SCN8A: variants seen among roughly 807,000 people sequenced by gnomAD.
SCN8A encodes sodium channel protein type 8 subunit alpha.
In SCN8A, 30 loss-of-function variants were observed where a neutral mutation model predicts 184.1. The observed-to-expected ratio is 0.16, with a 90% CI of 0.12 to 0.22. SCN8A has a LOEUF of 0.22. Ranked by LOEUF, SCN8A falls within the 10% of genes least tolerant of loss-of-function variation. SCN8A has a pLI of 1.00. For synonymous variants in SCN8A, 852 were observed against 907.0 expected (o/e 0.94, Z 1.09); for missense variants, 1,057 against 2,498.9 (o/e 0.42, Z 12.30).
In SCN8A at chr12:51,746,009, G is replaced by A; in HGVS notation, c.2105G>A (p.Ser702Asn). Residue 702 changes from serine to asparagine, a missense_variant, in exon 13 of 27, where the codon AGT becomes AAT. Physicochemically the swap from Ser to Asn is conservative, Grantham distance 46. Around this residue, in one of 19 missense-constraint regions of SCN8A, gnomAD observed 322 missense variants for 390.1 expected, o/e 0.83. Coordinates refer to ENST00000627620, the MANE Select transcript of SCN8A (RefSeq NM_001330260.2). ...GRKDRINSIM[S>N]VVTNTLVEEL... is the part of the protein sequence containing the mutation. Reference sequence around the variant, plus strand: ...AAGGACAGAATCAACAGTATAATGAGTGTTGTTACAAATACACTAGTAGAA... The same window carrying A: ...AAGGACAGAATCAACAGTATAATGAATGTTGTTACAAATACACTAGTAGAA... The A allele has an allele frequency of 6.2e-7, 1 of 1,610,072 alleles. No homozygotes were observed. Among genetic ancestry groups the A allele is most frequent in the Non-Finnish European group, 8.5e-7 (1 of 1,178,190 alleles).
chr12:51,671,773 A>G (rs1357567600), intron 2 of SCN8A, among the ~76,000 whole-genome samples: 1 of 152,228 alleles, frequency 6.6e-6, no homozygotes, highest in Non-Finnish European at 1.5e-5. Flanking sequence ...TTCTTTACAT[A>G]TAACACTATT....
chr12:51,785,319 G>A (rs554247950), intron 21 of SCN8A, among the ~76,000 whole-genome samples: 2 of 152,284 alleles, frequency 1.3e-5, no homozygotes, highest in East Asian at 3.9e-4. Context: ...TAATGACAGA[G>A]CTGTCAGATC....
chr12:51,709,950 TG>T (rs1210399071), intron 11 of SCN8A, among the ~76,000 whole-genome samples: 4 of 152,114 alleles, frequency 2.6e-5, no homozygotes. Flanking sequence ...TTGATAATGT[TG>T]GGAATTAAAA....
intron 24 of SCN8A, among the ~76,000 whole-genome samples, chr12:51,789,745 G>A (rs908166495): frequency 3.3e-5 from 5 of 152,228 alleles, no homozygotes; most frequent in South Asian, 2.1e-4. Context: ...AATAGCTATC[G>A]CAAGAAGTAG....
At chr12:51,776,008 G>A (rs1295291318) in intron 20 of SCN8A, among the ~76,000 whole-genome samples, 1 of 152,136 alleles carries the variant, frequency 6.6e-6, no homozygotes, top group East Asian at 1.9e-4. Flanking sequence ...TTTATTTTTT[G>A]AGATGAGGTC....
intron 12 of SCN8A, chr12:51,722,170 A>C: frequency 1.8e-6 from 1 of 560,362 alleles, no homozygotes; most frequent in Non-Finnish European, 3.1e-6. Flanking sequence ...CATTTTCCCC[A>C]TCTTCCCTCC....
chr12:51,789,224 C>A (rs1019486677), intron 23 of SCN8A, 57 bp from the exon 24 acceptor site: 7 of 1,590,268 alleles, frequency 4.4e-6, no homozygotes, highest in Non-Finnish European at 6.0e-6. Context: ...ATGGCCTTGG[C>A]GTGTCAAACT....
intron 2 of SCN8A, among the ~76,000 whole-genome samples, chr12:51,667,377 T>C (rs1941052263): frequency 6.6e-6 from 1 of 152,118 alleles, no homozygotes; most frequent in African/African-American, 2.4e-5. Flanking sequence ...ACTATTATTT[T>C]TTTTTTTGGA....
intron 5 of SCN8A, among the ~76,000 whole-genome samples, 186 bp downstream of exon 5, chr12:51,687,405 G>A (rs988863111): frequency 1.4e-4 from 21 of 152,138 alleles, no homozygotes; most frequent in African/African-American, 5.1e-4. Flanking sequence ...TGGTTCAGGC[G>A]ATGATAATGT....
At chr12:51,724,655 A>G (rs897600248) in intron 12 of SCN8A, among the ~76,000 whole-genome samples, 4 of 152,222 alleles carry the variant, frequency 2.6e-5, no homozygotes, top group African/African-American at 9.6e-5. Flanking sequence ...TGAAGGATGG[A>G]TCAACATGGG....
intron 1 of SCN8A, among the ~76,000 whole-genome samples, chr12:51,597,869 G>A (rs1400278137): frequency 6.6e-6 from 1 of 152,044 alleles, no homozygotes; most frequent in Non-Finnish European, 1.5e-5. Context: ...AATGCAACAG[G>A]CTTTTGTGTT....
intron 1 of SCN8A, among the ~76,000 whole-genome samples, chr12:51,618,537 G>A (rs554448033): frequency 1.9e-4 from 28 of 151,330 alleles, no homozygotes; most frequent in Middle Eastern, 3.4e-3. Flanking sequence ...AACTCTGCTG[G>A]TTTTGTGATA....
intron 12 of SCN8A, chr12:51,722,948 C>CTT (rs1942092594): frequency 6.6e-6 from 1 of 152,194 alleles, no homozygotes; most frequent in African/African-American, 2.4e-5. Flanking sequence ...TAATTTCTAA[C>CTT]TTTCCTCAGT....
chr12:51,613,413 C>T (rs1425203088), intron 1 of SCN8A, among the ~76,000 whole-genome samples: 1 of 151,944 alleles, frequency 6.6e-6, no homozygotes, highest in Non-Finnish European at 1.5e-5. Flanking sequence ...TGTAGTATTT[C>T]CTTATTCTTT....
chr12:51,797,695 C>T (rs1436929889), intron 26 of SCN8A, among the ~76,000 whole-genome samples: 1 of 152,206 alleles, frequency 6.6e-6, no homozygotes, highest in East Asian at 1.9e-4. Context: ...GTATTCCATG[C>T]ATACTCTTCC....
At chr12:51,691,969 G>A (rs756957276) in intron 6 of SCN8A, among the ~76,000 whole-genome samples, 14 of 152,174 alleles carry the variant, frequency 9.2e-5, no homozygotes, top group Non-Finnish European at 1.6e-4. Flanking sequence ...GTATGAGTCA[G>A]TGGATCTGGG....
At chr12:51,785,777 G>A (rs1295921595) in intron 21 of SCN8A, among the ~76,000 whole-genome samples, 2 of 152,012 alleles carry the variant, frequency 1.3e-5, no homozygotes, top group Admixed American at 1.3e-4. Flanking sequence ...AAAACCTTAA[G>A]TCATCCCTAT....
rs565375462 is a variant in SCN8A at position 51,796,932 on chromosome 12, G to A, written c.4795+2291G>A. On this transcript the variant is annotated intron_variant, in intron 26 of 26. Coordinates refer to ENST00000627620, the MANE Select transcript of SCN8A (RefSeq NM_001330260.2). ...CCTGCTTTTTCTAGCTGAGCTGGCA[G>A]CCGATTAGATGGTGCCCACCCACAT... Among the ~76,000 whole-genome samples the A allele has an allele frequency of 2.6e-5, 4 of 152,292 alleles. No individual in the cohort carries two copies. The East Asian group carries it at 7.7e-4, about 29-fold the overall frequency.
At position 51,662,930 on chromosome 12, in the gene SCN8A, C is replaced by T. The variant is rs1227415655; in HGVS notation, c.113C>T (p.Pro38Leu). 6.2e-7 allele frequency: 1 copy of T among 1,614,028 alleles called. No individual in the cohort carries two copies. The highest frequency in any genetic ancestry group is 2.2e-5 in the East Asian group (1 of 44,880). The change falls in exon 2 of 27, where the codon CCA becomes CTA. Residue 38 changes from proline to leucine, a missense_variant. Around this residue, in one of 19 missense-constraint regions of SCN8A, gnomAD observed 45 missense variants for 71.3 expected, o/e 0.63. Transcript: ENST00000627620. ...GCTGAGAGCAAGCTCAAGAAACCAC[C>T]AAAGGCCGATGGCAGTCATCGGGAG... Reference protein sequence around the residue: ...RIAESKLKKPPKADGSHREDD... With the variant: ...RIAESKLKKPLKADGSHREDD...
Sources: allele counts gnomAD v4.1 joint callset (sites outside exome capture counted in the v4.1 genomes callset), GRCh38; gene constraint gnomAD v4.1.1; regional missense constraint gnomAD v4.1.1; transcripts MANE v1.5; gene names NCBI Gene and HGNC (gene_info 2026-07-23, HGNC 2026-07-21).